The following IQSEC2 variants were observed in gnomAD, a reference collection of about 807,000 sequenced individuals.
IQSEC2 encodes IQ motif and SEC7 domain-containing protein 2.
A neutral mutation model predicts 74.6 loss-of-function variants in IQSEC2; 6 were observed. The observed-to-expected ratio is 0.08, with a 90% CI of 0.04 to 0.16. IQSEC2 has a LOEUF of 0.16. Among genes scored for constraint, IQSEC2 ranks in the 10% least tolerant of loss-of-function variants. The pLI is 1.00. For synonymous variants in IQSEC2, 494 were observed against 544.5 expected, an observed-to-expected ratio of 0.91 and a Z score of 1.29; for missense variants, 734 against 1,306.2, an observed-to-expected ratio of 0.56 and a Z score of 6.75.
At position 53,256,046 on chromosome X, in the gene IQSEC2, G is replaced by A. The variant is rs1176625120; in HGVS notation, c.753C>T (p.Ala251=). 1 of 1,173,684 alleles carries A rather than the reference G, an allele frequency of 8.5e-7. No individual in the cohort carries two copies. Among genetic ancestry groups the A allele is most frequent in the East Asian group, 3.0e-5 (1 of 33,104 alleles). The change falls in exon 3 of 15, where the codon GCC becomes GCT. Residue 251 remains alanine (A), a synonymous_variant. Coordinates refer to ENST00000642864, the MANE Select transcript of IQSEC2 (RefSeq NM_001111125.3). The part of the protein sequence containing the change: ...NSRTVSVEGD[A]PGSDLSTAVD... Reference sequence around the variant, plus strand: ...CCGCTGTGCTCAGGTCACTGCCTGGGGCATCACCCTCCACACTGTGGGGAT... The same window carrying A: ...CCGCTGTGCTCAGGTCACTGCCTGGAGCATCACCCTCCACACTGTGGGGAT...
chrX:53,294,950 G>A (rs931417383), intron 1 of IQSEC2, among the ~76,000 whole-genome samples: 2 of 111,851 alleles, frequency 1.8e-5, no homozygotes, highest in African/African-American at 6.5e-5. Context: ...AGCCTCCTGA[G>A]TAGCTGGGAT....
At chrX:53,243,603 C>G (rs2074258323) in intron 8 of IQSEC2, 132 bp from the exon 9 acceptor site, 3 of 939,190 alleles carry the variant, frequency 3.2e-6, no homozygotes, top group Non-Finnish European at 2.8e-6. Context: ...CCCTCGGCCC[C>G]TTAGCCAGGA....
At chrX:53,277,968 A>ACCAATAT (rs2074864296) in intron 2 of IQSEC2, among the ~76,000 whole-genome samples, 1 of 103,344 alleles carries the variant, frequency 9.7e-6, no homozygotes, top group Non-Finnish European at 2.0e-5. Context: ...ACTGTGTCCA[A>ACCAATAT]CCAATATTTT....
In IQSEC2 at chrX:53,291,894, C is replaced by T; in HGVS notation, c.737+1G>A. On this transcript the variant is annotated splice_donor_variant, in intron 2 of 14. Transcript: ENST00000642864. LOFTEE classifies it high-confidence loss of function. ...TAGTACTAAAGAAAGGAGGTACTGA[C>T]CTGACTGTTCTGGAATTCTCACCAT... 8.6e-7 allele frequency: 1 copy of T among 1,165,425 alleles called. No homozygotes were observed. Among genetic ancestry groups the T allele is most frequent in the Non-Finnish European group, 1.1e-6 (1 of 871,353 alleles).
intron 1 of IQSEC2, among the ~76,000 whole-genome samples, chrX:53,298,561 C>T (rs2075178793): frequency 8.9e-6 from 1 of 111,744 alleles, no homozygotes; most frequent in Admixed American, 9.6e-5. Flanking sequence ...AATGTCACAG[C>T]GGCATATCTT....
At chrX:53,318,584 A>C (rs973804608) in intron 1 of IQSEC2, among the ~76,000 whole-genome samples, 28 of 112,593 alleles carry the variant, frequency 2.5e-4, no homozygotes, top group African/African-American at 8.4e-4. Context: ...CAGTTCTCCC[A>C]GACTCCCACC....
chrX:53,248,322 A>G, intron 6 of IQSEC2, 86 bp from the exon 7 acceptor site: 1 of 1,076,368 alleles, frequency 9.3e-7, no homozygotes, highest in Non-Finnish European at 1.3e-6. Flanking sequence ...ATGGACCAAC[A>G]CCCCCACTGA....
intron 2 of IQSEC2, among the ~76,000 whole-genome samples, chrX:53,259,391 G>A (rs1229859947): frequency 9.2e-6 from 1 of 108,605 alleles, no homozygotes; most frequent in Non-Finnish European, 1.9e-5. Context: ...TGTAGTCCCA[G>A]CTACTTGGGA....
At chrX:53,237,639 T>C (rs1556860037) in intron 12 of IQSEC2, 2 of 140,697 alleles carry the variant, frequency 1.4e-5, no homozygotes, top group South Asian at 2.0e-4. Flanking sequence ...AGCTCAGGAA[T>C]TGATATGTGG....
rs2074368456 is a variant in IQSEC2 at position 53,250,470 on chromosome X, G to A, written c.2106C>T (p.Ser702=). Residue 702 remains serine, a synonymous_variant, in exon 5 of 15, where the codon TCC becomes TCT. Coordinates refer to ENST00000642864, the MANE Select transcript of IQSEC2 (RefSeq NM_001111125.3). ...AGTTGATGGTCTCATTGGAATTGCT[G>A]GAGCTCTCAAGGCTCTCGTTATCTC... ...DGGDNESLES[S]SNSNETINCS... 8.3e-7 allele frequency: 1 copy of A among 1,211,731 alleles called. No individual in the cohort carries two copies.
chrX:53,294,600 G>A lies in IQSEC2; in HGVS notation c.708-2676C>T, dbSNP rs140915270. 6.6e-3 allele frequency among the ~76,000 whole-genome samples: 736 copies of A among 111,696 alleles called. 4 individuals carry two copies. Among genetic ancestry groups the A allele is most frequent in the African/African-American group, 0.021 (658 of 30,756 alleles). On this transcript the variant is annotated intron_variant, in intron 1 of 14. Coordinates refer to ENST00000642864, the MANE Select transcript of IQSEC2 (RefSeq NM_001111125.3). ...TGGACCTTGGTTCTTCACCTGTAAAGTGATAGGGCTGTGTTAGTTGAGTTC... is the reference window on the plus strand; with the variant it reads ...TGGACCTTGGTTCTTCACCTGTAAAATGATAGGGCTGTGTTAGTTGAGTTC...
chrX:53,311,169 A>T (rs2075319312), intron 1 of IQSEC2, among the ~76,000 whole-genome samples: 1 of 104,131 alleles, frequency 9.6e-6, no homozygotes, highest in Admixed American at 1.1e-4. Flanking sequence ...GAATGCTGGC[A>T]TTCATACTAG....
downstream of IQSEC2, chrX:53,229,863 G>C (rs1186914450): frequency 8.9e-6 from 1 of 111,742 alleles, no homozygotes; most frequent in Non-Finnish European, 1.9e-5. Flanking sequence ...CACTACAACG[G>C]GGAAAGTGGT....
At chrX:53,263,104 C>T (rs1483789947) in intron 2 of IQSEC2, among the ~76,000 whole-genome samples, 1 of 112,369 alleles carries the variant, frequency 8.9e-6, no homozygotes, top group African/African-American at 3.2e-5. Flanking sequence ...TCCTCGCATT[C>T]TTCATCTCCC....
chrX:53,293,575 C>T (rs1018262284), intron 1 of IQSEC2, among the ~76,000 whole-genome samples: 1 of 112,081 alleles, frequency 8.9e-6, no homozygotes, highest in African/African-American at 3.2e-5. Context: ...AATGACTCCC[C>T]AGATGCCTAC....
At chrX:53,314,229 A>G (rs2075346614) in intron 1 of IQSEC2, among the ~76,000 whole-genome samples, 1 of 112,304 alleles carries the variant, frequency 8.9e-6, no homozygotes, top group Non-Finnish European at 1.9e-5. Flanking sequence ...TTAGTTCAGC[A>G]GGACTCAATC....
intron 2 of IQSEC2, chrX:53,267,191 T>G: frequency 2.0e-5 from 19 of 970,899 alleles, no homozygotes; most frequent in Non-Finnish European, 1.2e-5. Context: ...GGGACGAGAA[T>G]GGGGGTCAGG....
chrX:53,266,564 A>G, intron 2 of IQSEC2: 2 of 764,232 alleles, frequency 2.6e-6, no homozygotes, highest in Non-Finnish European at 3.1e-6. Context: ...GGCACCCTGC[A>G]TCTCTGTTTG....
At chrX:53,235,252 C>G in intron 14 of IQSEC2, 68 bp from the exon 15 acceptor site, 1 of 1,147,188 alleles carries the variant, frequency 8.7e-7, no homozygotes, top group African/African-American at 1.8e-5. Context: ...AAATTCCACC[C>G]CTGTCCCTGA....
Sources: allele counts gnomAD v4.1 joint callset (sites outside exome capture counted in the v4.1 genomes callset), GRCh38; gene constraint gnomAD v4.1.1; transcripts MANE v1.5; gene names NCBI Gene and HGNC (gene_info 2026-07-23, HGNC 2026-07-21).